RBFOX3: variants seen among roughly 807,000 people sequenced by gnomAD.
RBFOX3 encodes RNA binding fox-1 homolog 3.
RBFOX3 carries 17 observed loss-of-function variants against 48.7 expected under a neutral mutation model. The observed-to-expected ratio is 0.35, with a 90% confidence interval of 0.24 to 0.52. The LOEUF is 0.52. Ranked by LOEUF, RBFOX3 falls within the 20% of genes least tolerant of loss-of-function variation. The probability of loss-of-function intolerance (pLI) is 0.94; values close to 1 mark genes in which losing one functional copy is unlikely to be tolerated. For synonymous variants in RBFOX3, 212 were observed against 209.5 expected (o/e 1.01, Z -0.10); for missense variants, 382 against 497.5 (o/e 0.77, Z 2.21).
intron 2 of RBFOX3, among the ~76,000 whole-genome samples, chr17:79,455,375 C>T (rs1368528228): frequency 1.3e-5 from 2 of 152,170 alleles, no homozygotes; most frequent in Non-Finnish European, 2.9e-5. Flanking sequence ...CAGGAGAGAC[C>T]ACCTGAGGGT....
chr17:79,177,209 T>TCCCCCCCCCC (rs58684385), intron 4 of RBFOX3, among the ~76,000 whole-genome samples: 1 of 149,732 alleles, frequency 6.7e-6, no homozygotes, highest in African/African-American at 2.5e-5. Context: ...CCTCCTCCTC[T>TCCCCCCCCCC]CCCCCCCCGC....
intron 2 of RBFOX3, among the ~76,000 whole-genome samples, chr17:79,398,203 A>G (rs2062287564): frequency 6.6e-6 from 1 of 152,116 alleles, no homozygotes; most frequent in Non-Finnish European, 1.5e-5. Flanking sequence ...GGGCCTCGGG[A>G]GGCTCATTAT....
intron 1 of RBFOX3, among the ~76,000 whole-genome samples, chr17:79,536,836 A>C: frequency 6.6e-6 from 1 of 152,192 alleles, no homozygotes; most frequent in South Asian, 2.1e-4. Flanking sequence ...CTGTAATCCC[A>C]GCGCTTTGGG....
At chr17:79,224,897 G>A (rs2060136456) in intron 4 of RBFOX3, among the ~76,000 whole-genome samples, 1 of 152,202 alleles carries the variant, frequency 6.6e-6, no homozygotes, top group African/African-American at 2.4e-5. Context: ...CCTGGTGCTA[G>A]CCAGCTAACC....
chr17:79,476,283 C>T (rs2077735591), intron 2 of RBFOX3, among the ~76,000 whole-genome samples: 1 of 152,254 alleles, frequency 6.6e-6, no homozygotes, highest in South Asian at 2.1e-4. Flanking sequence ...AACTCGCCCA[C>T]AGCGCCCTCT....
intron 1 of RBFOX3, among the ~76,000 whole-genome samples, chr17:79,569,526 T>C (rs1393482042): frequency 6.6e-6 from 1 of 152,264 alleles, no homozygotes; most frequent in African/African-American, 2.4e-5. Flanking sequence ...TGAATGATGA[T>C]GCAGTGAACA....
In RBFOX3 at chr17:79,473,840, T is replaced by TCA. The variant is rs1443410299; in HGVS notation, c.-175+8612_-175+8613dup. Among the ~76,000 whole-genome samples, 37 of 150,374 alleles carry TCA rather than the reference T, an allele frequency of 2.5e-4. No individual in the cohort carries two copies. Among genetic ancestry groups the TCA allele is most frequent in the African/African-American group, 5.8e-4 (24 of 41,144 alleles). ...TCCTCCTAAAAGCACACACACACAC[T>TCA]CACACACACACACACGCAGAACTAA... On this transcript the variant is annotated intron_variant, in intron 2 of 14. Transcript: ENST00000693108. This position sits in a 1 kb window ranked among gnomAD's most constrained non-coding sequence, Gnocchi z 4.2.
chr17:79,465,147 C>T (rs553587043), intron 2 of RBFOX3, among the ~76,000 whole-genome samples: 11 of 152,140 alleles, frequency 7.2e-5, no homozygotes, highest in African/African-American at 2.7e-4. Context: ...CTCAGACCCT[C>T]GAGCCGATGA....
Position 79,363,869 on chromosome 17 carries a change from G to A in RBFOX3, c.-174-56045C>T, listed in dbSNP as rs188627395. ...ACTGCACTGGGATAAAGCAGACGAC[G>A]GGCTCCTGCAGCCCCTAACTCTCCC... On this transcript the variant is annotated intron_variant, in intron 2 of 14. Transcript: ENST00000693108. This position sits in a 1 kb window ranked among gnomAD's most constrained non-coding sequence, Gnocchi z 4.7. 6.6e-5 allele frequency among the ~76,000 whole-genome samples: 10 copies of A among 152,068 alleles called. No individual in the cohort carries two copies. In the East Asian group the frequency reaches 1.4e-3, roughly 21 times the overall value.
At chr17:79,294,594 C>T (rs1215898228) in intron 3 of RBFOX3, among the ~76,000 whole-genome samples, 1 of 152,162 alleles carries the variant, frequency 6.6e-6, no homozygotes, top group Non-Finnish European at 1.5e-5. Flanking sequence ...GCCACCACGC[C>T]CCGCTAGATA....
At chr17:79,458,547 T>C (rs1028229461) in intron 2 of RBFOX3, among the ~76,000 whole-genome samples, 1 of 151,834 alleles carries the variant, frequency 6.6e-6, no homozygotes, top group African/African-American at 2.4e-5. Flanking sequence ...GCAGTTGAGA[T>C]ACGGAACTGC....
intron 1 of RBFOX3, among the ~76,000 whole-genome samples, chr17:79,567,160 T>A (rs2092485105): frequency 6.7e-6 from 1 of 148,568 alleles, no homozygotes; most frequent in Admixed American, 6.8e-5. Context: ...ACATGTGCTA[T>A]TTTTTTTCTT....
rs944549844 is a variant in RBFOX3, at chr17:79,362,131, C to G, written c.-174-54307G>C. On this transcript the variant is annotated intron_variant, in intron 2 of 14. Transcript: ENST00000693108. The surrounding 1 kb of genome is among the most constrained non-coding windows in gnomAD (Gnocchi z 4.2). ...GAGAATCCACTCCACTGCCAGCTCA[C>G]ACACAGCCCTCCACGGGCCACGGCC... 6.6e-6 allele frequency among the ~76,000 whole-genome samples: 1 copy of G among 152,238 alleles called. No homozygotes were observed. The highest frequency in any genetic ancestry group is 1.5e-5 in the Non-Finnish European group (1 of 68,040).
At chr17:79,167,701 G>C (rs1211337952) in intron 4 of RBFOX3, among the ~76,000 whole-genome samples, 1 of 152,194 alleles carries the variant, frequency 6.6e-6, no homozygotes, top group Non-Finnish European at 1.5e-5. Flanking sequence ...CACCCGTCTA[G>C]ATTCCTCGCT....
At chr17:79,334,733 C>T (rs1233270956) in intron 2 of RBFOX3, among the ~76,000 whole-genome samples, 1 of 152,232 alleles carries the variant, frequency 6.6e-6, no homozygotes, top group Non-Finnish European at 1.5e-5. Context: ...ACACATCTTT[C>T]CAGCCTCAGT....
intron 2 of RBFOX3, among the ~76,000 whole-genome samples, chr17:79,379,258 G>A (rs1479862329): frequency 2.6e-5 from 4 of 152,260 alleles, no homozygotes; most frequent in African/African-American, 7.2e-5. Context: ...CTCAGGATGG[G>A]CCCGCACATT....
chr17:79,228,904 G>A (rs966599027), intron 4 of RBFOX3, among the ~76,000 whole-genome samples: 2 of 152,132 alleles, frequency 1.3e-5, no homozygotes, highest in East Asian at 1.9e-4. Flanking sequence ...TAGGCAGCTG[G>A]CAACTCTGAT....
At position 79,416,675 on chromosome 17, in the gene RBFOX3, C is replaced by T. The variant is rs142322864; in HGVS notation, c.-175+65779G>A. Among the ~76,000 whole-genome samples the T allele has an allele frequency of 8.0e-3, 1,218 of 152,330 alleles. 14 individuals carry two copies. The highest frequency in any genetic ancestry group is 0.02 in the Middle Eastern group (6 of 294). Reference sequence around the variant, plus strand: ...GAGGCCGGCCCTCCCCCGCACCCACCCCTCCAGGTTGGGATGGGGCTGCCA... The same window carrying T: ...GAGGCCGGCCCTCCCCCGCACCCACTCCTCCAGGTTGGGATGGGGCTGCCA... On this transcript the variant is annotated intron_variant, in intron 2 of 14. Coordinates refer to ENST00000693108, the MANE Select transcript of RBFOX3 (RefSeq NM_001350451.2).
At chr17:79,616,514 C>T in the RBFOX3 span, among the ~76,000 whole-genome samples, 13 of 148,680 alleles carry the variant, frequency 8.7e-5, no homozygotes, top group East Asian at 2.0e-3. Context: ...CCGGCTTGGG[C>T]GACAGAGCAA....
Sources: allele counts gnomAD v4.1 joint callset (sites outside exome capture counted in the v4.1 genomes callset), GRCh38; gene constraint gnomAD v4.1.1; non-coding constraint Gnocchi (gnomAD v3.1); transcripts MANE v1.5; gene names NCBI Gene and HGNC (gene_info 2026-07-23, HGNC 2026-07-21).